SKIC3: variants seen among roughly 807,000 people sequenced by gnomAD.
SKIC3 encodes superkiller complex protein 3.
chr5:95,484,629 G>A, the SKIC3 span: 2 of 1,556,428 alleles, frequency 1.3e-6, no homozygotes, highest in African/African-American at 1.4e-5. Flanking sequence ...ATACAGGAGT[G>A]AGCCACCGCA....
At chr5:95,489,277 A>G in the SKIC3 span, among the ~76,000 whole-genome samples, 701 of 152,192 alleles carry the variant, frequency 4.6e-3, 4 homozygotes, top group African/African-American at 0.016. Flanking sequence ...CATCTCTTAA[A>G]AAAAAAAACA....
chr5:95,545,126 A>T, the SKIC3 span, among the ~76,000 whole-genome samples: 1 of 152,196 alleles, frequency 6.6e-6, no homozygotes, highest in Non-Finnish European at 1.5e-5. Context: ...TTTTGCAGAA[A>T]GTCTACAGGA....
At chr5:95,530,515 G>A in the SKIC3 span, among the ~76,000 whole-genome samples, 1 of 152,158 alleles carries the variant, frequency 6.6e-6, no homozygotes, top group East Asian at 1.9e-4. Context: ...ATAGCCTACT[G>A]CTTGCCAGCT....
the SKIC3 span, chr5:95,463,948 G>A: frequency 6.6e-6 from 1 of 152,090 alleles, no homozygotes; most frequent in African/African-American, 2.4e-5. Context: ...ATAATTGAAG[G>A]AATTGCATGA....
the SKIC3 span, among the ~76,000 whole-genome samples, chr5:95,468,555 C>A: frequency 2.6e-5 from 4 of 152,210 alleles, no homozygotes; most frequent in African/African-American, 9.6e-5. Context: ...TTTTTTCTTT[C>A]CTAATTTACT....
chr5:95,478,296 G>A, the SKIC3 span: 1 of 1,613,694 alleles, frequency 6.2e-7, no homozygotes, highest in African/African-American at 1.3e-5. Context: ...TTACCATACA[G>A]ACTTTTAATG....
At chr5:95,545,076 A>C in the SKIC3 span, among the ~76,000 whole-genome samples, 6 of 152,208 alleles carry the variant, frequency 3.9e-5, no homozygotes, top group Non-Finnish European at 5.9e-5. Flanking sequence ...GGGTCTCTCT[A>C]GTATAAATTA....
chr5:95,509,748 C>T, the SKIC3 span: 11 of 1,145,762 alleles, frequency 9.6e-6, no homozygotes, highest in East Asian at 4.9e-5. Flanking sequence ...ACAAAATATT[C>T]GTTTTATTTT....
the SKIC3 span, among the ~76,000 whole-genome samples, chr5:95,466,723 T>G: frequency 6.6e-6 from 1 of 152,324 alleles, no homozygotes; most frequent in African/African-American, 2.4e-5. Flanking sequence ...CCTTGCTTCT[T>G]GCTTAAATAC....
chr5:95,464,058 T>A, the SKIC3 span: 37,013 of 154,566 alleles, frequency 0.24, 5,772 homozygotes, highest in African/African-American at 0.44. Flanking sequence ...TAGAGTCTAG[T>A]CTCATCAACA....
chr5:95,530,127 T>C, the SKIC3 span: 1 of 1,613,674 alleles, frequency 6.2e-7, no homozygotes, highest in Non-Finnish European at 8.5e-7. Flanking sequence ...ATACTTTTTG[T>C]CTTGTAATGC....
chr5:95,495,483 T>C, the SKIC3 span: 2 of 160,388 alleles, frequency 1.2e-5, no homozygotes, highest in African/African-American at 2.4e-5. Flanking sequence ...AAAATACATG[T>C]AGCATCACAG....
the SKIC3 span, among the ~76,000 whole-genome samples, chr5:95,490,701 T>C: frequency 6.6e-6 from 1 of 152,024 alleles, no homozygotes; most frequent in South Asian, 2.1e-4. Context: ...GGTTTCACCA[T>C]GTTAGCCAGG....
chr5:95,490,730 C>T, the SKIC3 span, among the ~76,000 whole-genome samples: 2 of 152,014 alleles, frequency 1.3e-5, no homozygotes, highest in African/African-American at 4.8e-5. Context: ...GATCTCCTGA[C>T]CTCGTGATCT....
the SKIC3 span, chr5:95,523,703 A>G: frequency 6.2e-7 from 1 of 1,613,674 alleles, no homozygotes; most frequent in Non-Finnish European, 8.5e-7. Flanking sequence ...CTCCAGATTC[A>G]GCATCAGTGT....
At chr5:95,470,614 A>G in the SKIC3 span, among the ~76,000 whole-genome samples, 9 of 152,300 alleles carry the variant, frequency 5.9e-5, no homozygotes, top group Non-Finnish European at 1.2e-4. Flanking sequence ...AGGAGAGAGG[A>G]AAGGCTGAAA....
the SKIC3 span, among the ~76,000 whole-genome samples, chr5:95,549,812 T>G: frequency 1.3e-5 from 2 of 151,848 alleles, no homozygotes; most frequent in Non-Finnish European, 1.5e-5. Flanking sequence ...AAACAAACCC[T>G]TATTGAGATC....
the SKIC3 span, among the ~76,000 whole-genome samples, chr5:95,510,923 T>C: frequency 4.3e-4 from 66 of 152,330 alleles, no homozygotes; most frequent in Non-Finnish European, 5.9e-5. Context: ...ATGTATCTGA[T>C]CTAATGTACT....
the SKIC3 span, chr5:95,494,857 A>G: frequency 2.5e-6 from 4 of 1,598,088 alleles, no homozygotes; most frequent in Non-Finnish European, 3.4e-6. Context: ...AACTGACTAA[A>G]AGACTCTATT....
Sources: gnomAD v4.1 joint callset for allele counts (sites outside exome capture counted in the v4.1 genomes callset) on GRCh38, gnomAD v4.1.1 for gene constraint, MANE v1.5 for transcripts, NCBI Gene and HGNC (gene_info 2026-07-23, HGNC 2026-07-21) for gene names.